The following SLC9A1 variants were observed in gnomAD, a reference collection of about 807,000 sequenced individuals.
The protein encoded by SLC9A1 is sodium/hydrogen exchanger 1.
SLC9A1 carries 22 observed loss-of-function variants against 67.9 expected under a neutral mutation model. The ratio of observed to expected loss-of-function variants is 0.32; its 90% CI spans 0.23 to 0.46. SLC9A1 has a LOEUF of 0.46. Among genes scored for constraint, SLC9A1 ranks in the 20% least tolerant of loss-of-function variants. The pLI, the probability that SLC9A1 is intolerant of heterozygous loss-of-function variation, is 1.00. For synonymous variants in SLC9A1, 421 were observed against 471.8 expected (o/e 0.89, Z 1.40); for missense variants, 686 against 1,094.8 (o/e 0.63, Z 5.27).
intron 1 of SLC9A1, among the ~76,000 whole-genome samples, chr1:27,126,243 A>C (rs528538824): frequency 1.6e-4 from 24 of 152,162 alleles, no homozygotes; most frequent in Middle Eastern, 3.4e-3. Context: ...CCAGAACATA[A>C]GCCTCGTGAG....
Position 27,099,519 on chromosome 1 carries a change from TAAA to T in SLC9A1, c.*785_*787del, listed in dbSNP as rs1315748563. The T allele has an allele frequency of 6.6e-6, 1 of 152,614 alleles. No homozygotes were observed. The highest frequency in any genetic ancestry group is 1.9e-4 in the East Asian group (1 of 5,194). The allele number at this position is 152,614 out of a possible 1,614,324, so 9.5% of individuals were successfully genotyped here. ...TCAGCCAGGGGTTTTCAAAATGTTT[TAAA>T]AACAGGAGCGCCCTCTGTGCAAACA... is the stretch of plus-strand genomic sequence containing the variant. On this transcript the variant is annotated 3_prime_UTR_variant, in exon 12 of 12. Coordinates refer to ENST00000263980, the MANE Select transcript of SLC9A1 (RefSeq NM_003047.5).
chr1:27,154,442 G>T lies in SLC9A1; in HGVS notation c.-108C>A, dbSNP rs894758411. ...GAAGAGAGACTGGCGTAGTCTCTAG[G>T]AAAAGTTCATGTTTTAGAGAGGCAT... On this transcript the variant is annotated 5_prime_UTR_variant, in exon 1 of 12. Transcript: ENST00000263980. 1.5e-6 allele frequency: 1 copy of T among 652,644 alleles called. No individual in the cohort carries two copies. Among genetic ancestry groups the T allele is most frequent in the African/African-American group, 1.8e-5 (1 of 54,156 alleles). 40.4% of individuals were successfully genotyped at this position (652,644 alleles called of 1,614,324 possible).
chr1:27,102,815 C>T (rs2083157056), intron 6 of SLC9A1, 72 bp from the exon 7 acceptor site: 3 of 1,328,204 alleles, frequency 2.3e-6, no homozygotes, highest in South Asian at 1.2e-5. Context: ...TGACTAGCCC[C>T]ACTCCCTCCC....
chr1:27,101,624 G>A lies in SLC9A1; in HGVS notation c.2037+101C>T. ...TTACACTGCTAAAAGCCCCTCGAAA[G>A]CCAAACCCTGTTCCTAGAATGGGTA... On this transcript the variant is annotated intron_variant, in intron 10 of 11. Coordinates refer to ENST00000263980, the MANE Select transcript of SLC9A1 (RefSeq NM_003047.5). This position sits in a 1 kb window ranked among gnomAD's most constrained non-coding sequence, Gnocchi z 4.9. 1 of 873,958 alleles carries A rather than the reference G, an allele frequency of 1.1e-6. No homozygotes were observed. The highest frequency in any genetic ancestry group is 1.8e-6 in the Non-Finnish European group (1 of 542,876). 54.1% of individuals were successfully genotyped at this position (873,958 alleles called of 1,614,324 possible).
chr1:27,114,315 T>C lies in SLC9A1; in HGVS notation c.353-29A>G, dbSNP rs2083251375. The C allele has an allele frequency of 7.0e-6, 11 of 1,576,680 alleles. No homozygotes were observed. Among genetic ancestry groups the C allele is most frequent in the South Asian group, 2.3e-5 (2 of 87,628 alleles). ...CGGAGGGCGAGAGAACGGGAGGCCA[T>C]GGGCTTTCGGAGGAGCCAGGAGAAT... On this transcript the variant is annotated intron_variant, in intron 1 of 11. Transcript: ENST00000263980. This position sits in a 1 kb window ranked among gnomAD's most constrained non-coding sequence, Gnocchi z 5.4.
At position 27,114,398 on chromosome 1, in the gene SLC9A1, G is replaced by A. The variant is rs2083252198; in HGVS notation, c.353-112C>T. On this transcript the variant is annotated intron_variant, in intron 1 of 11. Coordinates refer to ENST00000263980, the MANE Select transcript of SLC9A1 (RefSeq NM_003047.5). This position sits in a 1 kb window ranked among gnomAD's most constrained non-coding sequence, Gnocchi z 5.4. ...GCAGTTGGTGAGAGGTGCACAGGCT[G>A]GGTCTCAGAGGGCTGCTCTGTTAAC... 2 of 750,920 alleles carry A rather than the reference G, an allele frequency of 2.7e-6. No homozygotes were observed. Among genetic ancestry groups the A allele is most frequent in the Non-Finnish European group, 4.4e-6 (2 of 456,906 alleles). 46.5% of individuals were successfully genotyped at this position (750,920 alleles called of 1,614,324 possible).
At chr1:27,131,439 C>CAA (rs35954506) in intron 1 of SLC9A1, among the ~76,000 whole-genome samples, 444 of 27,484 alleles carry the variant, frequency 0.016, 20 homozygotes, top group South Asian at 0.021. Flanking sequence ...ACTAAAAATA[C>CAA]AAAAAAAAAA....
chr1:27,104,411 T>G (rs1206658950), intron 5 of SLC9A1, among the ~76,000 whole-genome samples: 1 of 148,436 alleles, frequency 6.7e-6, no homozygotes, highest in Non-Finnish European at 1.5e-5. Flanking sequence ...CGAGAGAGAG[T>G]CTCACTCTGT....
At chr1:27,153,163 C>T (rs2083541346) in intron 1 of SLC9A1, among the ~76,000 whole-genome samples, 1 of 152,078 alleles carries the variant, frequency 6.6e-6, no homozygotes, top group African/African-American at 2.4e-5. Flanking sequence ...TCCCTAGGCT[C>T]CCCCATCTAC....
At chr1:27,111,617 G>A (rs2083228221) in intron 2 of SLC9A1, among the ~76,000 whole-genome samples, 2 of 151,030 alleles carry the variant, frequency 1.3e-5, no homozygotes, top group Non-Finnish European at 1.5e-5. Flanking sequence ...GCAACATAAT[G>A]AGACCCCATA....
chr1:27,120,627 A>G (rs1364358709), intron 1 of SLC9A1, among the ~76,000 whole-genome samples: 1 of 151,862 alleles, frequency 6.6e-6, no homozygotes, highest in Non-Finnish European at 1.5e-5. Flanking sequence ...AATCACAGCT[A>G]CTCAGGAGGC....
In SLC9A1 at chr1:27,154,425, A is replaced by G. The variant is rs1409270069; in HGVS notation, c.-91T>C. 6.7e-6 allele frequency: 5 copies of G among 749,142 alleles called. No individual in the cohort carries two copies. The highest frequency in any genetic ancestry group is 1.1e-5 in the Non-Finnish European group (5 of 471,330). 46.4% of individuals were successfully genotyped at this position (749,142 alleles called of 1,614,324 possible). A position where few individuals can be genotyped will look rare whatever the true frequency, so the allele number is the denominator to read the frequency against. On this transcript the variant is annotated 5_prime_UTR_variant, in exon 1 of 12. Transcript: ENST00000263980. ...AAAGGGTCAGCAAGTGGGAAGAGAG[A>G]CTGGCGTAGTCTCTAGGAAAAGTTC... is the stretch of plus-strand genomic sequence containing the variant.
chr1:27,152,228 G>C (rs574145635), intron 1 of SLC9A1, among the ~76,000 whole-genome samples: 5 of 152,298 alleles, frequency 3.3e-5, no homozygotes, highest in African/African-American at 1.2e-4. Context: ...AGAGATACCA[G>C]GCCTGCAGGG....
intron 1 of SLC9A1, among the ~76,000 whole-genome samples, chr1:27,143,682 C>A (rs547986014): frequency 1.3e-5 from 2 of 152,140 alleles, no homozygotes; most frequent in African/African-American, 2.4e-5. Context: ...AAGATGAAAT[C>A]GACAGATAGG....
At chr1:27,113,745 C>A (rs762191763) in intron 2 of SLC9A1, 81 bp downstream of exon 2, 2 of 1,027,140 alleles carry the variant, frequency 1.9e-6, no homozygotes, top group Admixed American at 2.1e-5. Context: ...CTGTTATTAG[C>A]GGGTGGATGA....
intron 1 of SLC9A1, among the ~76,000 whole-genome samples, chr1:27,144,821 CAGCAT>C (rs2083474754): frequency 6.6e-6 from 1 of 152,082 alleles, no homozygotes; most frequent in East Asian, 1.9e-4. Context: ...CCAGACTGGC[CAGCAT>C]AGCAAAACCC....
chr1:27,144,139 T>A (rs755293026), intron 1 of SLC9A1, among the ~76,000 whole-genome samples: 12 of 152,196 alleles, frequency 7.9e-5, no homozygotes, highest in Non-Finnish European at 1.5e-4. Flanking sequence ...AGAGAAGCCA[T>A]AAGTAAATCT....
In SLC9A1 at chr1:27,100,032, G is replaced by A. The variant is rs956609694; in HGVS notation, c.*275C>T. Reference sequence around the variant, plus strand: ...GCCTCCGAGGCCCTAGTCCAGGTCCGGGAGAAGCCTGGATCTAGGGAGGGG... The same window carrying A: ...GCCTCCGAGGCCCTAGTCCAGGTCCAGGAGAAGCCTGGATCTAGGGAGGGG... On this transcript the variant is annotated 3_prime_UTR_variant, in exon 12 of 12. Transcript: ENST00000263980. This position sits in a 1 kb window ranked among gnomAD's most constrained non-coding sequence, Gnocchi z 5.6. The A allele has an allele frequency of 2.5e-5, 10 of 401,350 alleles. No homozygotes were observed. The highest frequency in any genetic ancestry group is 4.0e-5 in the Admixed American group (1 of 24,700). The allele number at this position is 401,350 out of a possible 1,614,324, so 24.9% of individuals were successfully genotyped here. A position where few individuals can be genotyped will look rare whatever the true frequency, so the allele number is the denominator to read the frequency against.
chr1:27,115,928 C>T (rs554820026), intron 1 of SLC9A1, among the ~76,000 whole-genome samples: 2 of 152,114 alleles, frequency 1.3e-5, no homozygotes, highest in African/African-American at 2.4e-5. Context: ...CGATAACCTG[C>T]ATGCCTGGCC....
Sources: allele counts gnomAD v4.1 joint callset (sites outside exome capture counted in the v4.1 genomes callset), GRCh38; gene constraint gnomAD v4.1.1; non-coding constraint Gnocchi (gnomAD v3.1); transcripts MANE v1.5; gene names NCBI Gene and HGNC (gene_info 2026-07-23, HGNC 2026-07-21).